LOC400499: variants seen among roughly 807,000 people sequenced by gnomAD.
the LOC400499 span, among the ~76,000 whole-genome samples, chr16:11,432,729 C>T: frequency 1.3e-5 from 2 of 152,180 alleles, no homozygotes; most frequent in Admixed American, 6.5e-5. Flanking sequence ...GCTTCACCAC[C>T]AGGAACAAGA....
chr16:11,460,067 T>A, the LOC400499 span: 327 of 1,386,944 alleles, frequency 2.4e-4, 1 homozygote, highest in African/African-American at 4.1e-3. Flanking sequence ...GGGACACACA[T>A]GGGTGGTGAA....
chr16:11,396,689 G>C, the LOC400499 span: 20 of 1,231,856 alleles, frequency 1.6e-5, no homozygotes, highest in South Asian at 2.5e-4. Flanking sequence ...GGACGAGAGA[G>C]TCTAGGTGTC....
chr16:11,403,512 C>T, the LOC400499 span, among the ~76,000 whole-genome samples: 2 of 152,194 alleles, frequency 1.3e-5, no homozygotes, highest in African/African-American at 4.8e-5. Flanking sequence ...TACACGCATG[C>T]ACACTGCCTT....
the LOC400499 span, chr16:11,473,251 T>C: frequency 6.6e-6 from 1 of 151,802 alleles, no homozygotes; most frequent in East Asian, 1.9e-4. Context: ...TTATTTACAA[T>C]TCTAAATGCA....
the LOC400499 span, chr16:11,493,830 A>G: frequency 1.6e-4 from 37 of 226,278 alleles, no homozygotes; most frequent in East Asian, 2.3e-3. Context: ...CATGAGGGGC[A>G]GTGGCGTGGG....
At chr16:11,373,968 T>C in the LOC400499 span, among the ~76,000 whole-genome samples, 1 of 152,142 alleles carries the variant, frequency 6.6e-6, no homozygotes, top group Non-Finnish European at 1.5e-5. Context: ...GTTGAAAATA[T>C]GGGGTTTAGG....
chr16:11,525,246 G>A, the LOC400499 span, among the ~76,000 whole-genome samples: 2 of 150,952 alleles, frequency 1.3e-5, no homozygotes, highest in African/African-American at 4.9e-5. Flanking sequence ...ACCACTGCCT[G>A]GTGCGATCGT....
the LOC400499 span, among the ~76,000 whole-genome samples, chr16:11,495,383 CTT>C: frequency 8.4e-5 from 12 of 143,580 alleles, no homozygotes; most frequent in Non-Finnish European, 1.1e-4. Flanking sequence ...ACCAACAAAT[CTT>C]TTTTTTTTTT....
the LOC400499 span, chr16:11,372,158 T>TC: frequency 6.6e-6 from 1 of 152,012 alleles, no homozygotes; most frequent in African/African-American, 2.4e-5. Flanking sequence ...CTCCCCAGGG[T>TC]CCCCTGAAGC....
At chr16:11,526,761 G>A in the LOC400499 span, among the ~76,000 whole-genome samples, 1 of 152,126 alleles carries the variant, frequency 6.6e-6, no homozygotes, top group Admixed American at 6.5e-5. Flanking sequence ...GCCCAAGTTG[G>A]AGTGCAGTGG....
the LOC400499 span, among the ~76,000 whole-genome samples, chr16:11,481,304 G>A: frequency 1.3e-5 from 2 of 152,258 alleles, no homozygotes; most frequent in African/African-American, 4.8e-5. Context: ...CATGGTGAAT[G>A]TACTAAATAC....
the LOC400499 span, among the ~76,000 whole-genome samples, chr16:11,373,095 T>G: frequency 6.6e-6 from 1 of 152,180 alleles, no homozygotes; most frequent in African/African-American, 2.4e-5. Context: ...GGCGGAACCT[T>G]AGCACACGAT....
At chr16:11,491,859 A>G in the LOC400499 span, 1 of 398,868 alleles carries the variant, frequency 2.5e-6, no homozygotes, top group African/African-American at 2.1e-5. Flanking sequence ...GCTTGGGCAG[A>G]AGGAAAGCCA....
chr16:11,375,967 G>C, the LOC400499 span, among the ~76,000 whole-genome samples: 1 of 152,154 alleles, frequency 6.6e-6, no homozygotes, highest in Non-Finnish European at 1.5e-5. Flanking sequence ...TCGAACGCCT[G>C]ACCTCAGGTG....
At chr16:11,382,127 G>T in the LOC400499 span, among the ~76,000 whole-genome samples, 1 of 151,856 alleles carries the variant, frequency 6.6e-6, no homozygotes, top group East Asian at 1.9e-4. Flanking sequence ...GGTAGAGACA[G>T]GGGTTTCGCC....
At chr16:11,455,881 AC>A in the LOC400499 span, among the ~76,000 whole-genome samples, 1 of 152,058 alleles carries the variant, frequency 6.6e-6, no homozygotes, top group South Asian at 2.1e-4. Context: ...CTTTTAGAAA[AC>A]GTAGTTCAGG....
At chr16:11,474,929 G>A in the LOC400499 span, among the ~76,000 whole-genome samples, 1 of 152,142 alleles carries the variant, frequency 6.6e-6, no homozygotes, top group African/African-American at 2.4e-5. Flanking sequence ...AAATTAAGCT[G>A]GAAGCTGAGT....
the LOC400499 span, chr16:11,476,848 T>A: frequency 2.5e-5 from 10 of 399,528 alleles, no homozygotes; most frequent in African/African-American, 1.4e-4. Context: ...GATCCCGCCA[T>A]CCAGGCTGGC....
chr16:11,474,864 T>C, the LOC400499 span, among the ~76,000 whole-genome samples: 1 of 152,120 alleles, frequency 6.6e-6, no homozygotes, highest in African/African-American at 2.4e-5. Flanking sequence ...AGACCCTGTC[T>C]CAATAATAAT....
Sources: gnomAD v4.1 joint callset for allele counts (sites outside exome capture counted in the v4.1 genomes callset) on GRCh38, gnomAD v4.1.1 for gene constraint, MANE v1.5 for transcripts.